Variants in EXOC6 observed in about 807,000 individuals in gnomAD.
EXOC6 encodes SEC15-like 1.
A neutral mutation model predicts 112.5 loss-of-function variants in EXOC6; 60 were observed. That is an observed-to-expected ratio of 0.53 (90% CI 0.43 to 0.66). The LOEUF (loss-of-function observed/expected upper bound fraction) is 0.66, where lower values mean the gene tolerates loss of function less well. EXOC6 is among the 30% of genes least tolerant of loss of function. EXOC6 has a pLI of 0.00. For synonymous variants in EXOC6, 295 were observed against 308.0 expected, an observed-to-expected ratio of 0.96 and a Z score of 0.44; for missense variants, 855 against 957.1, an observed-to-expected ratio of 0.89 and a Z score of 1.41.
At chr10:92,872,574 T>G (rs1041527513) in intron 1 of EXOC6, among the ~76,000 whole-genome samples, 5 of 152,124 alleles carry the variant, frequency 3.3e-5, no homozygotes, top group African/African-American at 9.6e-5. Context: ...TTGAGAGAGA[T>G]ATGTTAAAGT....
chr10:92,844,964 A>C (rs1846995433), upstream of EXOC6, among the ~76,000 whole-genome samples: 1 of 152,220 alleles, frequency 6.6e-6, no homozygotes. Flanking sequence ...CGCTTTCCCA[A>C]GACAGGTCAT....
chr10:92,965,576 T>C (rs1213706838), intron 17 of EXOC6, among the ~76,000 whole-genome samples: 1 of 152,204 alleles, frequency 6.6e-6, no homozygotes, highest in Non-Finnish European at 1.5e-5. Context: ...GGTTCAACTG[T>C]AGAACTCCCG....
intron 20 of EXOC6, among the ~76,000 whole-genome samples, chr10:93,038,528 T>C (rs1845624679): frequency 6.6e-6 from 1 of 152,222 alleles, no homozygotes; most frequent in African/African-American, 2.4e-5. Context: ...AGTCAACTTC[T>C]ACTTTTATAG....
intron 4 of EXOC6, among the ~76,000 whole-genome samples, chr10:92,898,645 G>A (rs1849969763): frequency 6.6e-6 from 1 of 151,980 alleles, no homozygotes; most frequent in Non-Finnish European, 1.5e-5. Context: ...TGCTTTGGTT[G>A]GAAAATGTGA....
Position 93,058,422 on chromosome 10 carries a change from G to C in EXOC6, c.*67G>C. 7.3e-7 allele frequency: 1 copy of C among 1,379,260 alleles called. No individual in the cohort carries two copies. The highest frequency in any genetic ancestry group is 9.7e-7 in the Non-Finnish European group (1 of 1,031,082). 85.4% of individuals were successfully genotyped at this position (1,379,260 alleles called of 1,614,324 possible). A position where few individuals can be genotyped will look rare whatever the true frequency, so the allele number is the denominator to read the frequency against. ...CAATGTTGATCTTGAGCAAGTATTGGTCATGATACAGTAATTTGTTTACAG... is the reference window on the plus strand; with the variant it reads ...CAATGTTGATCTTGAGCAAGTATTGCTCATGATACAGTAATTTGTTTACAG... On this transcript the variant is annotated 3_prime_UTR_variant, in exon 22 of 22. Transcript: ENST00000260762.
intron 8 of EXOC6, among the ~76,000 whole-genome samples, chr10:92,927,119 G>GT (rs967993442): frequency 7.9e-5 from 12 of 152,174 alleles, no homozygotes; most frequent in Non-Finnish European, 1.2e-4. Flanking sequence ...AAGAAAAGTC[G>GT]TTTTTTGTAG....
Position 92,858,029 on chromosome 10 carries a change from CTCCG to C in EXOC6, c.101+9396_101+9399del, listed in dbSNP as rs1299631534. ...GATTTTTAGTTGACGGGTTCCCCCC[CTCCG>C]CCGGCCAGCAGTTTGAATATGTCTT... is the stretch of plus-strand genomic sequence containing the variant. On this transcript the variant is annotated intron_variant, in intron 1 of 21. Transcript: ENST00000260762. Among the ~76,000 whole-genome samples the C allele has an allele frequency of 1.8e-4, 24 of 136,006 alleles. 3 individuals carry two copies. Among genetic ancestry groups the C allele is most frequent in the African/African-American group, 6.1e-4 (22 of 35,964 alleles). 89.2% of individuals were successfully genotyped at this position (136,006 alleles called of 152,430 possible). A position where few individuals can be genotyped will look rare whatever the true frequency, so the allele number is the denominator to read the frequency against.
intron 19 of EXOC6, among the ~76,000 whole-genome samples, chr10:93,006,948 G>A (rs1844014656): frequency 6.6e-6 from 1 of 151,980 alleles, no homozygotes; most frequent in Non-Finnish European, 1.5e-5. Flanking sequence ...TCAAGCTTCT[G>A]ATGTATTCCC....
At chr10:92,896,221 G>C (rs1484014767) in intron 4 of EXOC6, among the ~76,000 whole-genome samples, 1 of 77,562 alleles carries the variant, frequency 1.3e-5, no homozygotes, top group Admixed American at 2.1e-4. Flanking sequence ...TTTTTTTGGC[G>C]GAGTCTCACT....
At chr10:92,985,938 A>C (rs932391142) in intron 18 of EXOC6, among the ~76,000 whole-genome samples, 2 of 152,074 alleles carry the variant, frequency 1.3e-5, no homozygotes, top group African/African-American at 2.4e-5. Context: ...GAATACATTT[A>C]TGTGTTTTCC....
At chr10:92,953,868 G>A (rs766183640) in intron 15 of EXOC6, among the ~76,000 whole-genome samples, 3 of 152,058 alleles carry the variant, frequency 2.0e-5, no homozygotes, top group Non-Finnish European at 4.4e-5. Context: ...CAATGAAAAT[G>A]GATAACTTAG....
intron 18 of EXOC6, among the ~76,000 whole-genome samples, chr10:92,983,158 T>C (rs914894817): frequency 6.6e-6 from 1 of 152,336 alleles, no homozygotes; most frequent in Admixed American, 6.5e-5. Flanking sequence ...TCTGGATTAA[T>C]TTGCTAATGT....
rs544195018 is a variant in EXOC6 at position 92,857,573 on chromosome 10, C to A, written c.101+8939C>A. 4.1e-4 allele frequency among the ~76,000 whole-genome samples: 62 copies of A among 152,172 alleles called. 2 individuals carry two copies. The Middle Eastern group carries it at 0.01, about 25-fold the overall frequency. ...GTCATCTTGTGTCATTTTCTTACTC[C>A]AGAATGGCTTTGCTCCCACATACAT... On this transcript the variant is annotated intron_variant, in intron 1 of 21. Transcript: ENST00000260762.
At chr10:92,900,564 C>T (rs1850108085) in intron 5 of EXOC6, 1 of 151,126 alleles carries the variant, frequency 6.6e-6, no homozygotes, top group African/African-American at 2.4e-5. Context: ...GTCTTATTTT[C>T]TTTCACGTAT....
At chr10:92,908,103 A>G (rs912258511) in intron 5 of EXOC6, among the ~76,000 whole-genome samples, 1 of 114,882 alleles carries the variant, frequency 8.7e-6, no homozygotes, top group Non-Finnish European at 1.6e-5. Flanking sequence ...TCTGTCACCC[A>G]CGCTGGAATG....
At chr10:93,028,311 A>T (rs567001054) in intron 20 of EXOC6, among the ~76,000 whole-genome samples, 1 of 152,168 alleles carries the variant, frequency 6.6e-6, no homozygotes, top group East Asian at 1.9e-4. Context: ...AAAAGAAAAA[A>T]GTTTCCATTC....
chr10:93,035,574 G>C (rs1391588544), intron 20 of EXOC6, among the ~76,000 whole-genome samples: 1 of 152,218 alleles, frequency 6.6e-6, no homozygotes, highest in African/African-American at 2.4e-5. Context: ...GGAAATTGGG[G>C]CCTGTCGTGG....
At chr10:92,867,472 A>T (rs558073455) in intron 1 of EXOC6, among the ~76,000 whole-genome samples, 8 of 152,114 alleles carry the variant, frequency 5.3e-5, no homozygotes, top group Non-Finnish European at 1.0e-4. Context: ...CTTGGGTTTT[A>T]CTTCTGGGAG....
intron 1 of EXOC6, among the ~76,000 whole-genome samples, chr10:92,839,963 C>T (rs550159315): frequency 3.4e-4 from 52 of 152,064 alleles, no homozygotes; most frequent in Non-Finnish European, 5.4e-4. Context: ...TTTATGATAA[C>T]ATAATTGTTT....
Sources: gnomAD v4.1 joint callset for allele counts (sites outside exome capture counted in the v4.1 genomes callset) on GRCh38, gnomAD v4.1.1 for gene constraint, MANE v1.5 for transcripts, NCBI Gene and HGNC (gene_info 2026-07-23, HGNC 2026-07-21) for gene names.